CSMD1: variants seen among roughly 807,000 people sequenced by gnomAD.
CSMD1 encodes the protein CUB and Sushi multiple domains 1.
In CSMD1, 213 loss-of-function variants were observed where a neutral mutation model predicts 417.5. That is an observed-to-expected ratio of 0.51 (90% CI 0.46 to 0.57). The LOEUF is 0.57. Among genes scored for constraint, CSMD1 ranks in the 20% least tolerant of loss-of-function variants. CSMD1 has a pLI of 0.00. For synonymous variants in CSMD1, 2,862 were observed against 1,736.8 expected, an observed-to-expected ratio of 1.65 and a Z score of -16.11; for missense variants, 6,923 against 4,529.7, an observed-to-expected ratio of 1.53 and a Z score of -15.17.
intron 3 of CSMD1, among the ~76,000 whole-genome samples, chr8:4,247,550 T>C (rs1009009623): frequency 2.0e-5 from 3 of 152,152 alleles, no homozygotes; most frequent in African/African-American, 7.2e-5. Context: ...AATCAAAGGC[T>C]TTTAAGAATT....
chr8:3,324,332 G>C (rs28670667), intron 23 of CSMD1, among the ~76,000 whole-genome samples: 25,561 of 144,544 alleles, frequency 0.18, 2,664 homozygotes, highest in Admixed American at 0.23. Context: ...CCCACTAGTC[G>C]TCACTGTTAA....
chr8:2,977,805 G>A (rs775511459), intron 55 of CSMD1, among the ~76,000 whole-genome samples: 2 of 152,102 alleles, frequency 1.3e-5, no homozygotes, highest in African/African-American at 2.4e-5. Context: ...CATTTATGTG[G>A]CCAATAAACA....
chr8:3,740,099 A>T (rs2954230), intron 6 of CSMD1, among the ~76,000 whole-genome samples: 1 of 152,014 alleles, frequency 6.6e-6, no homozygotes, highest in Non-Finnish European at 1.5e-5. Context: ...TCATTTTACA[A>T]AATTTTATTT....
chr8:3,137,951 G>C (rs1027838129), intron 41 of CSMD1, among the ~76,000 whole-genome samples: 1 of 152,162 alleles, frequency 6.6e-6, no homozygotes, highest in Non-Finnish European at 1.5e-5. Context: ...CCGGCTGGGC[G>C]CAGTGGCTCA....
rs574433538 is a variant in CSMD1, at chr8:3,112,175, G to A, written c.6431-1840C>T. Among the ~76,000 whole-genome samples the A allele has an allele frequency of 4.6e-5, 7 of 152,028 alleles. No individual in the cohort carries two copies. The South Asian group carries it at 1.2e-3, about 27-fold the overall frequency. On this transcript the variant is annotated intron_variant, in intron 42 of 69. Transcript: ENST00000635120. ...CAAGAGTCCCTACTGTCTAGCTCAG[G>A]TCATGATAAACAAATTGATAAATTG...
At chr8:4,264,753 C>G (rs1311603073) in intron 3 of CSMD1, among the ~76,000 whole-genome samples, 1 of 152,102 alleles carries the variant, frequency 6.6e-6, no homozygotes, top group Non-Finnish European at 1.5e-5. Context: ...TCAGTAACAT[C>G]TAGAACGTTC....
At chr8:4,044,172 C>A (rs1439987819) in intron 3 of CSMD1, among the ~76,000 whole-genome samples, 1 of 152,076 alleles carries the variant, frequency 6.6e-6, no homozygotes, top group Non-Finnish European at 1.5e-5. Flanking sequence ...TTGGGGTGGA[C>A]TCATTCATTC....
chr8:4,565,404 A>C (rs2725009), intron 2 of CSMD1, among the ~76,000 whole-genome samples: 75,762 of 151,846 alleles, frequency 0.5, 18,935 homozygotes, highest in East Asian at 0.56. Context: ...TTCATTTTAC[A>C]TTGCAGTGGA....
chr8:3,064,073 T>A (rs1464373612), intron 49 of CSMD1, among the ~76,000 whole-genome samples: 1 of 152,222 alleles, frequency 6.6e-6, no homozygotes, highest in Non-Finnish European at 1.5e-5. Context: ...TCATTCTCTT[T>A]CATTTACAGG....
intron 4 of CSMD1, among the ~76,000 whole-genome samples, chr8:4,021,772 T>G (rs552099492): frequency 1.3e-4 from 20 of 152,076 alleles, no homozygotes; most frequent in Non-Finnish European, 2.9e-4. Flanking sequence ...TTATCTTGAG[T>G]GACAAATGAA....
chr8:3,472,163 C>G (rs1386851924), intron 11 of CSMD1, among the ~76,000 whole-genome samples: 1 of 152,072 alleles, frequency 6.6e-6, no homozygotes, highest in African/African-American at 2.4e-5. Flanking sequence ...GTTCTTGGCT[C>G]TTTTAACCCA....
rs187304492 is a variant in CSMD1, at chr8:4,941,288, A to G, written c.85+53044T>C. Among the ~76,000 whole-genome samples the G allele has an allele frequency of 3.3e-4, 50 of 152,344 alleles. 1 individual carries two copies. The highest frequency in any genetic ancestry group is 1.2e-3 in the African/African-American group (50 of 41,588). ...GTAACATTCTTTGATTCAAAAAGTT[A>G]TTTTGATGTAATATACTTTGTTTTT... On this transcript the variant is annotated intron_variant, in intron 1 of 69. Coordinates refer to ENST00000635120, the MANE Select transcript of CSMD1 (RefSeq NM_033225.6).
At chr8:4,968,648 A>G (rs1190719020) in intron 1 of CSMD1, among the ~76,000 whole-genome samples, 1 of 152,134 alleles carries the variant, frequency 6.6e-6, no homozygotes, top group Non-Finnish European at 1.5e-5. Flanking sequence ...TATTCTATCA[A>G]CAGCTAGTGT....
chr8:4,627,506 G>A (rs1221645701), intron 2 of CSMD1, among the ~76,000 whole-genome samples: 1 of 152,056 alleles, frequency 6.6e-6, no homozygotes, highest in African/African-American at 2.4e-5. Context: ...TTTCTCAGAA[G>A]GTATTAAATA....
At chr8:4,337,671 CA>C (rs1563069824) in intron 3 of CSMD1, among the ~76,000 whole-genome samples, 2 of 152,116 alleles carry the variant, frequency 1.3e-5, no homozygotes, top group African/African-American at 4.8e-5. Context: ...TTCTCACAGA[CA>C]ATTTTTTCTT....
intron 5 of CSMD1, among the ~76,000 whole-genome samples, chr8:3,996,523 G>A (rs1268499127): frequency 6.6e-6 from 1 of 151,826 alleles, no homozygotes; most frequent in African/African-American, 2.4e-5. Flanking sequence ...CAGAACCTGT[G>A]GTATAACTTA....
intron 18 of CSMD1, among the ~76,000 whole-genome samples, chr8:3,384,390 T>A (rs556113838): frequency 1.9e-3 from 295 of 152,020 alleles, no homozygotes; most frequent in Non-Finnish European, 3.6e-3. Context: ...CAAAATGGAA[T>A]AATTATATTA....
At chr8:3,315,448 G>GTGTT (rs1008546166) in intron 23 of CSMD1, among the ~76,000 whole-genome samples, 2 of 149,946 alleles carry the variant, frequency 1.3e-5, no homozygotes, top group African/African-American at 4.9e-5. Flanking sequence ...GTGTGTGTGT[G>GTGTT]TGTGTGTGTG....
chr8:3,754,504 G>C (rs1451553445), intron 5 of CSMD1, among the ~76,000 whole-genome samples: 3 of 151,886 alleles, frequency 2.0e-5, no homozygotes, highest in African/African-American at 4.8e-5. Flanking sequence ...ATCCAGGCTG[G>C]AGGGCAGTGG....
Sources: allele counts gnomAD v4.1 joint callset (sites outside exome capture counted in the v4.1 genomes callset), GRCh38; gene constraint gnomAD v4.1.1; transcripts MANE v1.5; gene names NCBI Gene and HGNC (gene_info 2026-07-23, HGNC 2026-07-21).